Variants in CPNE4 observed in about 807,000 individuals in gnomAD.
CPNE4 encodes copine-4.
Under a neutral mutation model 67.9 loss-of-function variants are expected in CPNE4, and 25 were observed. The observed-to-expected ratio is 0.37, with a 90% confidence interval of 0.27 to 0.51. CPNE4 has a LOEUF of 0.51. Among genes scored for constraint, CPNE4 ranks in the 20% least tolerant of loss-of-function variants. CPNE4 has a pLI of 0.93. For synonymous variants in CPNE4, 242 were observed against 244.9 expected, an observed-to-expected ratio of 0.99 and a Z score of 0.11; for missense variants, 464 against 690.8, an observed-to-expected ratio of 0.67 and a Z score of 3.68.
chr3:132,005,215 A>C (rs2073558037), intron 1 of CPNE4, among the ~76,000 whole-genome samples: 1 of 151,294 alleles, frequency 6.6e-6, no homozygotes, highest in African/African-American at 2.4e-5. Flanking sequence ...AGAGCCACTC[A>C]ATTATATTAA....
At chr3:131,977,927 C>T (rs530813819) in intron 1 of CPNE4, among the ~76,000 whole-genome samples, 7 of 150,016 alleles carry the variant, frequency 4.7e-5, no homozygotes, top group South Asian at 2.1e-4. Flanking sequence ...TGAGAACATA[C>T]GATGTTTGGT....
chr3:131,757,663 C>T (rs1469605645), intron 2 of CPNE4, among the ~76,000 whole-genome samples: 3 of 152,152 alleles, frequency 2.0e-5, no homozygotes, highest in Non-Finnish European at 4.4e-5. Context: ...AATGTTAATC[C>T]CCAACACCCT....
At chr3:131,707,335 CCTT>C (rs150917217) in intron 3 of CPNE4, among the ~76,000 whole-genome samples, 4,758 of 152,288 alleles carry the variant, frequency 0.031, 110 homozygotes, top group East Asian at 0.1. Context: ...CACTCTACCT[CCTT>C]CTTCATGTGG....
intron 3 of CPNE4, among the ~76,000 whole-genome samples, chr3:131,721,119 G>A (rs1176000557): frequency 6.6e-6 from 1 of 152,024 alleles, no homozygotes; most frequent in African/African-American, 2.4e-5. Flanking sequence ...TTAATTAATT[G>A]TTGTGTAATT....
intron 2 of CPNE4, among the ~76,000 whole-genome samples, chr3:131,801,402 A>ATATAT (rs71622077): frequency 7.9e-5 from 9 of 113,940 alleles, no homozygotes; most frequent in South Asian, 6.2e-4. Context: ...ATATATATAT[A>ATATAT]GGTACATATA....
At chr3:132,001,319 T>C (rs1210313641) in intron 1 of CPNE4, among the ~76,000 whole-genome samples, 1 of 151,874 alleles carries the variant, frequency 6.6e-6, no homozygotes, top group Non-Finnish European at 1.5e-5. Flanking sequence ...AACACTTCCA[T>C]GAAGGGGCAA....
chr3:131,807,994 G>C (rs1432233761), intron 2 of CPNE4, among the ~76,000 whole-genome samples: 2 of 152,146 alleles, frequency 1.3e-5, no homozygotes, highest in Non-Finnish European at 2.9e-5. Flanking sequence ...TGAAGCATAA[G>C]GTAATGCTAG....
At chr3:131,823,163 G>GT (rs1281075007) in intron 2 of CPNE4, among the ~76,000 whole-genome samples, 1 of 152,126 alleles carries the variant, frequency 6.6e-6, no homozygotes, top group Admixed American at 6.6e-5. Flanking sequence ...CTTATCACAA[G>GT]TTTTTTTATG....
intron 2 of CPNE4, among the ~76,000 whole-genome samples, chr3:131,776,386 C>T (rs1433425337): frequency 1.3e-5 from 2 of 152,106 alleles, no homozygotes; most frequent in African/African-American, 2.4e-5. Context: ...GACCTATATT[C>T]CTTTCACTGT....
At chr3:131,703,467 T>C (rs2107709175) in intron 3 of CPNE4, among the ~76,000 whole-genome samples, 1 of 152,310 alleles carries the variant, frequency 6.6e-6, no homozygotes, top group South Asian at 2.1e-4. Context: ...AGCCCTCTTA[T>C]CTGCATCCAC....
chr3:131,975,697 G>A (rs541288051), intron 1 of CPNE4, among the ~76,000 whole-genome samples: 3 of 152,282 alleles, frequency 2.0e-5, no homozygotes, highest in African/African-American at 4.8e-5. Flanking sequence ...GCTATCCTAA[G>A]GGACTTTGTA....
chr3:131,948,696 G>A (rs931466084), intron 1 of CPNE4, among the ~76,000 whole-genome samples: 15 of 152,048 alleles, frequency 9.9e-5, no homozygotes, highest in African/African-American at 2.9e-4. Flanking sequence ...TCAGTTTTTC[G>A]GAAATGTTTT....
At chr3:131,891,431 A>T (rs1327408666) in intron 2 of CPNE4, among the ~76,000 whole-genome samples, 6 of 151,510 alleles carry the variant, frequency 4.0e-5, no homozygotes, top group South Asian at 4.2e-4. Flanking sequence ...TTTTTTTTTT[A>T]AACTTTTGAG....
At chr3:131,648,637 A>G (rs1399672714) in intron 7 of CPNE4, among the ~76,000 whole-genome samples, 1 of 152,240 alleles carries the variant, frequency 6.6e-6, no homozygotes, top group African/African-American at 2.4e-5. Context: ...AAATAGTTTA[A>G]ATATTTGAAA....
chr3:131,779,363 C>G (rs578150917), intron 2 of CPNE4, among the ~76,000 whole-genome samples: 50 of 152,018 alleles, frequency 3.3e-4, no homozygotes, highest in African/African-American at 1.2e-3. Context: ...CAAAAAGAAC[C>G]TGAATAGCCA....
rs116820606 is a variant in CPNE4, at chr3:131,968,533, A to G, written c.-1-63089T>C. ...ACAAGAAAGAAACAATCCCATCGAA[A>G]GTGGGCAAAGGATATGAACAGACAC... On this transcript the variant is annotated intron_variant, in intron 1 of 15. Transcript: ENST00000429747. Among the ~76,000 whole-genome samples the G allele has an allele frequency of 4.0e-3, 614 of 152,330 alleles. 4 individuals carry two copies. Among genetic ancestry groups the G allele is most frequent in the African/African-American group, 0.014 (593 of 41,572 alleles).
intron 7 of CPNE4, among the ~76,000 whole-genome samples, chr3:131,669,045 T>A (rs7432612): frequency 0.33 from 50,093 of 151,976 alleles, 8,629 homozygotes; most frequent in African/African-American, 0.4. Flanking sequence ...AGAGGTCTTA[T>A]GGGGCTCTGT....
intron 2 of CPNE4, among the ~76,000 whole-genome samples, chr3:131,753,876 A>AT (rs950773798): frequency 1.3e-4 from 20 of 151,698 alleles, no homozygotes; most frequent in African/African-American, 4.6e-4. Context: ...TCTACTTTAA[A>AT]TTTTTTTTTA....
intron 10 of CPNE4, among the ~76,000 whole-genome samples, chr3:131,570,940 A>T (rs950835155): frequency 2.6e-5 from 4 of 151,916 alleles, no homozygotes; most frequent in African/African-American, 9.7e-5. Context: ...TTAATCTTTA[A>T]ATTGCCATCC....
Sources: allele counts gnomAD v4.1 joint callset (sites outside exome capture counted in the v4.1 genomes callset), GRCh38; gene constraint gnomAD v4.1.1; transcripts MANE v1.5; gene names NCBI Gene and HGNC (gene_info 2026-07-23, HGNC 2026-07-21).